CSNK1A1: variants seen among roughly 807,000 people sequenced by gnomAD.
CSNK1A1 encodes casein kinase 1 alpha 1.
Under a neutral mutation model 46.1 loss-of-function variants are expected in CSNK1A1, and 7 were observed. That is an observed-to-expected ratio of 0.15 (90% CI 0.09 to 0.29). CSNK1A1 has a LOEUF of 0.29. Among genes scored for constraint, CSNK1A1 ranks in the 10% least tolerant of loss-of-function variants. The pLI is 1.00. For synonymous variants in CSNK1A1, 137 were observed against 141.5 expected (o/e 0.97, Z 0.23); for missense variants, 96 against 417.1 (o/e 0.23, Z 6.71).
rs1580873435 is a variant in CSNK1A1, at chr5:149,551,079, A to C, written c.-115T>G. 8.5e-7 allele frequency: 1 copy of C among 1,177,982 alleles called. No homozygotes were observed. Among genetic ancestry groups the C allele is most frequent in the South Asian group, 1.4e-5 (1 of 73,336 alleles). 73.0% of individuals were successfully genotyped at this position (1,177,982 alleles called of 1,614,324 possible). A position where few individuals can be genotyped will look rare whatever the true frequency, so the allele number is the denominator to read the frequency against. ...ACGGAGGAGGGCGGCAGGAAACGGA[A>C]CACGGAGGCCTTTACCGGGGTTCGG... On this transcript the variant is annotated 5_prime_UTR_variant, in exon 1 of 10. Coordinates refer to ENST00000377843, the MANE Select transcript of CSNK1A1 (RefSeq NM_001892.6).
At chr5:149,524,272 A>G (rs573472583) in intron 3 of CSNK1A1, among the ~76,000 whole-genome samples, 1 of 152,208 alleles carries the variant, frequency 6.6e-6, no homozygotes, top group East Asian at 1.9e-4. Context: ...TCTTCATAGT[A>G]TTTTTATAAG....
chr5:149,551,059 G>A lies in CSNK1A1; in HGVS notation c.-95C>T. 7.0e-7 allele frequency: 1 copy of A among 1,432,894 alleles called. No homozygotes were observed. Among genetic ancestry groups the A allele is most frequent in the South Asian group, 1.2e-5 (1 of 82,844 alleles). 88.8% of individuals were successfully genotyped at this position (1,432,894 alleles called of 1,614,324 possible). On this transcript the variant is annotated 5_prime_UTR_variant, in exon 1 of 10. Coordinates refer to ENST00000377843, the MANE Select transcript of CSNK1A1 (RefSeq NM_001892.6). Reference sequence around the variant, plus strand: ...CTCCTACACTAGGCAAGGCTACGGAGGAGGGCGGCAGGAAACGGAACACGG... The same window carrying A: ...CTCCTACACTAGGCAAGGCTACGGAAGAGGGCGGCAGGAAACGGAACACGG...
chr5:149,506,923 G>T, intron 8 of CSNK1A1, 104 bp downstream of exon 8: 1 of 839,984 alleles, frequency 1.2e-6, no homozygotes, highest in Non-Finnish European at 1.8e-6. Flanking sequence ...ATTCATGTTA[G>T]CTAGATCTGC....
intron 2 of CSNK1A1, among the ~76,000 whole-genome samples, chr5:149,542,676 A>G (rs10875546): frequency 0.14 from 1,042 of 7,390 alleles, 173 homozygotes; most frequent in African/African-American, 0.35. Context: ...ATATATGTAT[A>G]TATATATATA....
chr5:149,512,993 A>G, intron 5 of CSNK1A1, 77 bp downstream of exon 5: 1 of 1,540,814 alleles, frequency 6.5e-7, no homozygotes, highest in Non-Finnish European at 8.8e-7. Flanking sequence ...AGACATTGTA[A>G]GAAACTAAAA....
Position 149,551,354 on chromosome 5 carries a change from A to G in CSNK1A1, c.-390T>C, listed in dbSNP as rs142462821. On this transcript the variant is annotated 5_prime_UTR_variant, in exon 1 of 10. Transcript: ENST00000377843. ...AGGGACCCCTGTCACTCCGCGGACG[A>G]CGCCATCTTGTTACTCCAGCTCCAG... 5.3e-3 allele frequency: 1,033 copies of G among 195,132 alleles called. 15 individuals carry two copies. Among genetic ancestry groups the G allele is most frequent in the African/African-American group, 0.023 (977 of 42,140 alleles). The allele number at this position is 195,132 out of a possible 1,614,324, so 12.1% of individuals were successfully genotyped here.
intron 2 of CSNK1A1, among the ~76,000 whole-genome samples, chr5:149,535,869 C>T (rs370950280): frequency 4.2e-4 from 64 of 152,188 alleles, no homozygotes; most frequent in African/African-American, 1.5e-3. Flanking sequence ...TGGTCTCAAA[C>T]TCCTGACCTC....
chr5:149,532,514 G>A (rs1761934537), intron 2 of CSNK1A1, among the ~76,000 whole-genome samples: 1 of 152,028 alleles, frequency 6.6e-6, no homozygotes, highest in African/African-American at 2.4e-5. Context: ...CCAACATGGT[G>A]AAACCCCATC....
intron 9 of CSNK1A1, chr5:149,502,589 G>A: frequency 4.2e-6 from 3 of 719,350 alleles, no homozygotes; most frequent in Non-Finnish European, 5.1e-6. Context: ...GCCCAGGCAA[G>A]TCTAGAACTC....
chr5:149,496,207 A>T lies in CSNK1A1; in HGVS notation c.*646T>A, dbSNP rs1271402210. ...GAGTTAATGCAGAGTCCTAAGGATA[A>T]TCTAGTAGTCACTAAGTTTTTCTTA... On this transcript the variant is annotated 3_prime_UTR_variant, in exon 10 of 10. Coordinates refer to ENST00000377843, the MANE Select transcript of CSNK1A1 (RefSeq NM_001892.6). 6.5e-6 allele frequency: 1 copy of T among 152,684 alleles called. No individual in the cohort carries two copies. Among genetic ancestry groups the T allele is most frequent in the Non-Finnish European group, 1.5e-5 (1 of 68,088 alleles). 9.5% of individuals were successfully genotyped at this position (152,684 alleles called of 1,614,324 possible).
At chr5:149,497,068 C>G in intron 9 of CSNK1A1, 2 of 1,391,254 alleles carry the variant, frequency 1.4e-6, no homozygotes, top group Non-Finnish European at 9.3e-7. Context: ...TTGAATGACT[C>G]TAGGAAGGAG....
At chr5:149,549,223 T>A (rs1256253423) in intron 2 of CSNK1A1, 4 of 466,064 alleles carry the variant, frequency 8.6e-6, no homozygotes, top group Non-Finnish European at 7.8e-6. Flanking sequence ...ATACAACTGA[T>A]ATGAGTAAAT....
In CSNK1A1 at chr5:149,505,568, T is replaced by C. The variant is rs751550938; in HGVS notation, c.885A>G (p.Thr295=). The C allele has an allele frequency of 1.2e-5, 19 of 1,614,098 alleles. No homozygotes were observed. Among genetic ancestry groups the C allele is most frequent in the East Asian group, 4.5e-5 (2 of 44,882 alleles). ...FRTLNHQYDY[T]FDWTMLKQKA... ...TCTGCTTTAACATTGTCCAATCAAA[T>C]GTGTAGTCATATTGATGGTTCAGGG... Residue 295 remains threonine, a synonymous_variant, in exon 9 of 10, where the codon ACA becomes ACG. Coordinates refer to ENST00000377843, the MANE Select transcript of CSNK1A1 (RefSeq NM_001892.6).
At chr5:149,523,027 G>C (rs1167349777) in intron 3 of CSNK1A1, among the ~76,000 whole-genome samples, 2 of 145,586 alleles carry the variant, frequency 1.4e-5, no homozygotes, top group Non-Finnish European at 1.5e-5. Flanking sequence ...ATATATGTTA[G>C]TTAAAACATA....
At chr5:149,501,771 G>T (rs958232079) in intron 9 of CSNK1A1, 2 of 983,844 alleles carry the variant, frequency 2.0e-6, no homozygotes, top group Non-Finnish European at 2.4e-6. Context: ...AACTTCATTA[G>T]ATTTTGAATG....
At chr5:149,497,936 C>T (rs762052727) in intron 9 of CSNK1A1, 7 of 710,642 alleles carry the variant, frequency 9.9e-6, no homozygotes, top group Admixed American at 6.3e-5. Flanking sequence ...TGGGTTCAAG[C>T]GATTCTCCTG....
At chr5:149,512,623 G>C (rs961041992) in intron 5 of CSNK1A1, among the ~76,000 whole-genome samples, 1 of 152,082 alleles carries the variant, frequency 6.6e-6, no homozygotes, top group Non-Finnish European at 1.5e-5. Flanking sequence ...TTATATATTT[G>C]AGTGAAGTAT....
chr5:149,531,309 C>A (rs573823970), intron 2 of CSNK1A1, among the ~76,000 whole-genome samples: 2 of 148,304 alleles, frequency 1.3e-5, no homozygotes, highest in Non-Finnish European at 3.0e-5. Flanking sequence ...CCAAGGAGGG[C>A]GGATCACCTG....
At position 149,493,434 on chromosome 5, in the gene CSNK1A1, T is replaced by C. The variant is rs903575257; in HGVS notation, c.*3419A>G. The C allele has an allele frequency of 9.9e-5, 15 of 151,136 alleles. No individual in the cohort carries two copies. The highest frequency in any genetic ancestry group is 3.7e-4 in the African/African-American group (15 of 41,094). 9.4% of individuals were successfully genotyped at this position (151,136 alleles called of 1,614,324 possible). On this transcript the variant is annotated 3_prime_UTR_variant, in exon 10 of 10. Transcript: ENST00000377843. Reference sequence around the variant, plus strand: ...GAATGTTCCAGGTTCATCTCATATTTCTCCATCCCAGGAGCCATTATTACT... The same window carrying C: ...GAATGTTCCAGGTTCATCTCATATTCCTCCATCCCAGGAGCCATTATTACT...
Sources: allele counts gnomAD v4.1 joint callset (sites outside exome capture counted in the v4.1 genomes callset), GRCh38; gene constraint gnomAD v4.1.1; transcripts MANE v1.5; gene names NCBI Gene and HGNC (gene_info 2026-07-23, HGNC 2026-07-21).